The following DSCAML1 variants were observed in gnomAD, a reference collection of about 807,000 sequenced individuals.
DSCAML1 encodes the protein DS cell adhesion molecule like 1.
DSCAML1 carries 38 observed loss-of-function variants against 200.5 expected under a neutral mutation model. That is an observed-to-expected ratio of 0.19 (90% CI 0.15 to 0.25). DSCAML1 has a LOEUF of 0.25. Among genes scored for constraint, DSCAML1 ranks in the 10% least tolerant of loss-of-function variants. The pLI is 1.00. For missense variants in DSCAML1, 2,223 were observed against 2,858.8 expected (o/e 0.78, Z 5.07); for synonymous variants, 1,215 against 1,165.0 (o/e 1.04, Z -0.87).
At chr11:117,713,281 A>C (rs892214406) in intron 3 of DSCAML1, among the ~76,000 whole-genome samples, 3 of 152,114 alleles carry the variant, frequency 2.0e-5, no homozygotes, top group African/African-American at 7.2e-5. Flanking sequence ...ACACCCAGCT[A>C]ATTTTTGTAT....
chr11:117,777,978 C>G (rs752327224), intron 2 of DSCAML1, among the ~76,000 whole-genome samples: 1 of 152,150 alleles, frequency 6.6e-6, no homozygotes, highest in Admixed American at 6.5e-5. Context: ...ACCTGGGCAG[C>G]GTGCCCTCCT....
intron 3 of DSCAML1, among the ~76,000 whole-genome samples, chr11:117,687,894 C>G (rs949637796): frequency 6.6e-6 from 1 of 152,106 alleles, no homozygotes; most frequent in Non-Finnish European, 1.5e-5. Context: ...TGGATCTGAC[C>G]ACATTTGTCC....
intron 11 of DSCAML1, among the ~76,000 whole-genome samples, chr11:117,496,507 G>A (rs1488658757): frequency 6.6e-6 from 1 of 152,162 alleles, no homozygotes; most frequent in African/African-American, 2.4e-5. Flanking sequence ...TGATAACCTT[G>A]ACTCTCTTTT....
chr11:117,644,275 A>G (rs1200057568), intron 3 of DSCAML1, among the ~76,000 whole-genome samples: 1 of 152,274 alleles, frequency 6.6e-6, no homozygotes, highest in Non-Finnish European at 1.5e-5. Context: ...TTAGAATCCC[A>G]AAGTGCAAGA....
rs1481625053 is a variant in DSCAML1, at chr11:117,518,185, A to G, written c.1510+281T>C. Among the ~76,000 whole-genome samples, 5 of 152,042 alleles carry G rather than the reference A, an allele frequency of 3.3e-5. No homozygotes were observed. Among genetic ancestry groups the G allele is most frequent in the African/African-American group, 1.2e-4 (5 of 41,372 alleles). Reference sequence around the variant, plus strand: ...ATGGGGAGGAATGGGCTAGAGGGTAAGAGAAGGGGCTGGGCTGGCTGGATT... The same window carrying G: ...ATGGGGAGGAATGGGCTAGAGGGTAGGAGAAGGGGCTGGGCTGGCTGGATT... On this transcript the variant is annotated intron_variant, in intron 7 of 32. Coordinates refer to ENST00000651296, the MANE Select transcript of DSCAML1 (RefSeq NM_020693.4). This position sits in a 1 kb window ranked among gnomAD's most constrained non-coding sequence, Gnocchi z 6.3.
At chr11:117,526,783 T>C (rs1280883479) in intron 4 of DSCAML1, among the ~76,000 whole-genome samples, 1 of 152,140 alleles carries the variant, frequency 6.6e-6, no homozygotes, top group Non-Finnish European at 1.5e-5. Context: ...CCCAAAGTGC[T>C]GAGATTACAG....
At chr11:117,644,163 CCT>C (rs1370929095) in intron 3 of DSCAML1, among the ~76,000 whole-genome samples, 1 of 152,208 alleles carries the variant, frequency 6.6e-6, no homozygotes, top group Non-Finnish European at 1.5e-5. Flanking sequence ...TCGGGCGCTT[CCT>C]CTCTCTCCAG....
intron 3 of DSCAML1, among the ~76,000 whole-genome samples, chr11:117,724,166 G>A (rs2054084577): frequency 6.6e-6 from 1 of 152,192 alleles, no homozygotes; most frequent in South Asian, 2.1e-4. Flanking sequence ...TCTGACCCTG[G>A]CCTTATAGAG....
intron 3 of DSCAML1, among the ~76,000 whole-genome samples, chr11:117,583,543 C>T (rs1475066158): frequency 6.6e-6 from 1 of 152,210 alleles, no homozygotes; most frequent in Non-Finnish European, 1.5e-5. Flanking sequence ...CTACGCGGCT[C>T]TCTCTTCTCC....
At chr11:117,520,786 G>A (rs572957966) in intron 6 of DSCAML1, among the ~76,000 whole-genome samples, 3 of 151,972 alleles carry the variant, frequency 2.0e-5, no homozygotes, top group African/African-American at 4.8e-5. Context: ...ACATTAGCAT[G>A]GTGCAAGATG....
At chr11:117,737,784 T>C (rs1042572210) in intron 3 of DSCAML1, among the ~76,000 whole-genome samples, 1 of 152,120 alleles carries the variant, frequency 6.6e-6, no homozygotes, top group Non-Finnish European at 1.5e-5. Context: ...GTTGCAGGCT[T>C]CCATGTCAAG....
At chr11:117,623,578 C>T (rs2051983939) in intron 3 of DSCAML1, among the ~76,000 whole-genome samples, 1 of 152,162 alleles carries the variant, frequency 6.6e-6, no homozygotes, top group Non-Finnish European at 1.5e-5. Context: ...ATAGTCTTAG[C>T]TCTGTCACTC....
intron 11 of DSCAML1, among the ~76,000 whole-genome samples, chr11:117,486,911 CTTTTTTTTTTTTTTTTT>C (rs56805170): frequency 2.4e-4 from 19 of 79,666 alleles, no homozygotes; most frequent in East Asian, 4.2e-4. Flanking sequence ...TGTAAAATAC[CTTTTTTTTTTTTTTTTT>C]TTTTTTTTTT....
At chr11:117,597,360 T>C (rs1477710846) in intron 3 of DSCAML1, among the ~76,000 whole-genome samples, 1 of 152,282 alleles carries the variant, frequency 6.6e-6, no homozygotes, top group East Asian at 1.9e-4. Context: ...GGGGCAGGTG[T>C]GTGGGAGCAG....
At chr11:117,433,337 T>C (rs2047842286) in intron 28 of DSCAML1, 81 bp from the exon 29 acceptor site, 2 of 1,571,248 alleles carry the variant, frequency 1.3e-6, no homozygotes, top group Middle Eastern at 1.7e-4. Flanking sequence ...AGTGGGATTT[T>C]AGAAGCCTGC....
chr11:117,563,507 T>C (rs1031579485), intron 3 of DSCAML1, among the ~76,000 whole-genome samples: 1 of 152,120 alleles, frequency 6.6e-6, no homozygotes, highest in Non-Finnish European at 1.5e-5. Flanking sequence ...CACGCTTTCA[T>C]AGATGTAAAG....
intron 3 of DSCAML1, among the ~76,000 whole-genome samples, chr11:117,536,967 C>G (rs557943708): frequency 6.6e-6 from 1 of 152,302 alleles, no homozygotes; most frequent in Non-Finnish European, 1.5e-5. Context: ...TTAATCCCCA[C>G]AACCCTTTGA....
At chr11:117,506,120 T>C (rs1592676579) in intron 8 of DSCAML1, among the ~76,000 whole-genome samples, 1 of 152,186 alleles carries the variant, frequency 6.6e-6, no homozygotes, top group African/African-American at 2.4e-5. Context: ...GGGCCTGGGA[T>C]AGAGGTGAGG....
rs550412458 is a variant in DSCAML1 at position 117,742,034 on chromosome 11, C to T, written c.511+34757G>A. Among the ~76,000 whole-genome samples the T allele has an allele frequency of 7.9e-5, 12 of 152,348 alleles. No homozygotes were observed. The East Asian group carries it at 2.3e-3, about 29-fold the overall frequency. ...GAAACAGAATGAGACATCTCCTCTC[C>T]TCAGCTCCAACACCTGACCTTGGGT... On this transcript the variant is annotated intron_variant, in intron 3 of 32. Coordinates refer to ENST00000651296, the MANE Select transcript of DSCAML1 (RefSeq NM_020693.4).
Sources: gnomAD v4.1 joint callset for allele counts (sites outside exome capture counted in the v4.1 genomes callset) on GRCh38, gnomAD v4.1.1 for gene constraint, Gnocchi (gnomAD v3.1) non-coding constraint, MANE v1.5 for transcripts, NCBI Gene and HGNC (gene_info 2026-07-23, HGNC 2026-07-21) for gene names.